The following EYS variants were observed in gnomAD, a reference collection of about 807,000 sequenced individuals.
EYS encodes the protein EGF-like photoreceptor maintenance factor.
EYS carries 250 observed loss-of-function variants against 282.1 expected under a neutral mutation model. That is an observed-to-expected ratio of 0.89 (90% CI 0.80 to 0.98). The LOEUF is 0.98. Ranked by LOEUF, EYS falls within the 50% of genes least tolerant of loss-of-function variation. EYS has a pLI of 0.00. For synonymous variants in EYS, 1,355 were observed against 1,282.9 expected (o/e 1.06, Z -1.20); for missense variants, 4,016 against 3,709.0 (o/e 1.08, Z -2.15).
chr6:63,855,252 A>C (rs1772362017), intron 36 of EYS, among the ~76,000 whole-genome samples: 1 of 152,214 alleles, frequency 6.6e-6, no homozygotes, highest in Non-Finnish European at 1.5e-5. Context: ...ATTTAAACTC[A>C]CTGAACTTCA....
At chr6:65,264,907 T>G (rs1767711420) in intron 12 of EYS, among the ~76,000 whole-genome samples, 1 of 151,826 alleles carries the variant, frequency 6.6e-6, no homozygotes, top group African/African-American at 2.4e-5. Context: ...CTATTTATTT[T>G]ATCTAAAATA....
chr6:65,011,139 A>G (rs768360735), intron 13 of EYS, among the ~76,000 whole-genome samples: 1 of 152,212 alleles, frequency 6.6e-6, no homozygotes, highest in Non-Finnish European at 1.5e-5. Flanking sequence ...CTAGCCACTG[A>G]AGAAGGAGAA....
In EYS at chr6:64,613,722, C is replaced by T. The variant is rs142392584; in HGVS notation, c.3684+3696G>A. Reference sequence around the variant, plus strand: ...GAGCTTGAGAGTTAGTTAGAAACTACAGGGGAGCCCACTCTTAGGGAATAT... The same window carrying T: ...GAGCTTGAGAGTTAGTTAGAAACTATAGGGGAGCCCACTCTTAGGGAATAT... On this transcript the variant is annotated intron_variant, in intron 24 of 42. Transcript: ENST00000503581. Among the ~76,000 whole-genome samples the T allele has an allele frequency of 7.4e-3, 1,126 of 152,198 alleles. 20 individuals are homozygous for T. Among genetic ancestry groups the T allele is most frequent in the African/African-American group, 0.026 (1,068 of 41,548 alleles).
intron 2 of EYS, among the ~76,000 whole-genome samples, chr6:65,620,173 C>T (rs533389784): frequency 3.3e-5 from 5 of 152,266 alleles, no homozygotes; most frequent in African/African-American, 1.2e-4. Context: ...GGCTGTGAAT[C>T]CATCTGGCCC....
At chr6:64,372,669 G>T (rs376767667) in intron 29 of EYS, among the ~76,000 whole-genome samples, 61 of 152,170 alleles carry the variant, frequency 4.0e-4, no homozygotes, top group African/African-American at 1.4e-3. Flanking sequence ...ACCCTCTTTT[G>T]CAGGGACACA....
intron 30 of EYS, among the ~76,000 whole-genome samples, chr6:64,236,320 TC>T (rs1313664583): frequency 6.6e-6 from 1 of 152,166 alleles, no homozygotes; most frequent in African/African-American, 2.4e-5. Flanking sequence ...ATTTTATTTA[TC>T]TATTCATTAG....
At chr6:64,973,776 G>C (rs1770378585) in intron 14 of EYS, among the ~76,000 whole-genome samples, 1 of 151,748 alleles carries the variant, frequency 6.6e-6, no homozygotes, top group Non-Finnish European at 1.5e-5. Flanking sequence ...TTATTCTTTG[G>C]AAATATTACC....
At chr6:64,160,715 G>A (rs573751657) in intron 31 of EYS, among the ~76,000 whole-genome samples, 2 of 152,182 alleles carry the variant, frequency 1.3e-5, no homozygotes, top group Non-Finnish European at 2.9e-5. Context: ...AAGAATGAAT[G>A]ACAGGATATG....
intron 12 of EYS, among the ~76,000 whole-genome samples, chr6:65,097,368 A>C (rs1020256749): frequency 6.7e-6 from 1 of 148,564 alleles, no homozygotes; most frequent in Non-Finnish European, 1.5e-5. Context: ...GGATGTAGTG[A>C]AATTGGAATC....
chr6:65,445,012 T>C (rs556033168), intron 5 of EYS, among the ~76,000 whole-genome samples: 1 of 152,026 alleles, frequency 6.6e-6, no homozygotes, highest in African/African-American at 2.4e-5. Context: ...GTTTCTCGAT[T>C]AATCTGACAA....
intron 5 of EYS, among the ~76,000 whole-genome samples, chr6:65,412,988 G>T (rs1489338203): frequency 3.3e-5 from 5 of 152,114 alleles, no homozygotes; most frequent in African/African-American, 9.7e-5. Context: ...CACATTTTAA[G>T]ATGTGATTTT....
chr6:64,869,771 A>G (rs181851937), intron 19 of EYS, among the ~76,000 whole-genome samples: 225 of 151,794 alleles, frequency 1.5e-3, no homozygotes, highest in African/African-American at 5.2e-3. Context: ...GATCTTGAGA[A>G]TTAGGTTAAG....
At chr6:65,330,676 A>T (rs1769762727) in intron 11 of EYS, 1 of 940,100 alleles carries the variant, frequency 1.1e-6, no homozygotes, top group Non-Finnish European at 1.3e-6. Context: ...CATCATCAAC[A>T]TTATTAGTGT....
Position 64,388,813 on chromosome 6 carries a change from C to T in EYS, c.5955G>A (p.Glu1985=), listed in dbSNP as rs1316970477. 4 of 1,539,998 alleles carry T rather than the reference C, an allele frequency of 2.6e-6. No individual in the cohort carries two copies. In the East Asian group the frequency reaches 9.9e-5, roughly 38 times the overall value. Reference sequence around the variant, plus strand: ...GTGTATTCCTCCCTAAAATAGTCAGCTCAGCGTTACATGGATCCAATTCTT... The same window carrying T: ...GTGTATTCCTCCCTAAAATAGTCAGTTCAGCGTTACATGGATCCAATTCTT... ...IRQELDPCNA[E]LTILGRNTQI... is the part of the protein sequence containing the mutation. The change falls in exon 29 of 43, where the codon GAG becomes GAA. Residue 1985 remains glutamate, a synonymous_variant. Coordinates refer to ENST00000503581, the MANE Select transcript of EYS (RefSeq NM_001142800.2).
At chr6:65,431,324 T>G (rs778223507) in intron 5 of EYS, among the ~76,000 whole-genome samples, 1 of 152,164 alleles carries the variant, frequency 6.6e-6, no homozygotes, top group African/African-American at 2.4e-5. Flanking sequence ...CTCAATGCCC[T>G]TTGTGTCAGT....
At chr6:64,452,710 C>T (rs1775403973) in intron 26 of EYS, among the ~76,000 whole-genome samples, 1 of 152,142 alleles carries the variant, frequency 6.6e-6, no homozygotes, top group South Asian at 2.1e-4. Context: ...TGCCGCATAT[C>T]TACAACCATC....
At chr6:64,860,488 G>A (rs1022340945) in intron 19 of EYS, among the ~76,000 whole-genome samples, 7 of 152,246 alleles carry the variant, frequency 4.6e-5, no homozygotes, top group African/African-American at 1.7e-4. Flanking sequence ...CTGTGTGGTT[G>A]TGACTGGGCC....
intron 22 of EYS, among the ~76,000 whole-genome samples, chr6:64,686,767 GTATATATATA>G (rs556168281): frequency 1.7e-4 from 3 of 17,724 alleles, no homozygotes; most frequent in African/African-American, 2.4e-4. Context: ...ATATATGTGT[GTATATATATA>G]TATATATATA....
rs147899497 is a variant in EYS at position 63,865,977 on chromosome 6, G to T, written c.7056-1619C>A. 2.6e-5 allele frequency among the ~76,000 whole-genome samples: 4 copies of T among 152,192 alleles called. No homozygotes were observed. The East Asian group carries it at 5.8e-4, about 22-fold the overall frequency. On this transcript the variant is annotated intron_variant, in intron 35 of 42. Coordinates refer to ENST00000503581, the MANE Select transcript of EYS (RefSeq NM_001142800.2). ...ATCCTGTAAGTAATCAGTAATTTAT[G>T]CATTTTATAACCTTCATGGAAACCT...
Sources: gnomAD v4.1 joint callset for allele counts (sites outside exome capture counted in the v4.1 genomes callset) on GRCh38, gnomAD v4.1.1 for gene constraint, MANE v1.5 for transcripts, NCBI Gene and HGNC (gene_info 2026-07-23, HGNC 2026-07-21) for gene names.